WASF2: variants seen among roughly 807,000 people sequenced by gnomAD.
WASF2 encodes the protein actin-binding protein WASF2.
In WASF2, 14 loss-of-function variants were observed where a neutral mutation model predicts 45.0. That is an observed-to-expected ratio of 0.31 (90% CI 0.21 to 0.49). The LOEUF is 0.49. Among genes scored for constraint, WASF2 ranks in the 20% least tolerant of loss-of-function variants. The pLI, the probability that WASF2 is intolerant of heterozygous loss-of-function variation, is 0.99. For missense variants in WASF2, 439 were observed against 636.1 expected (o/e 0.69, Z 3.33); for synonymous variants, 200 against 236.3 (o/e 0.85, Z 1.41).
intron 1 of WASF2, among the ~76,000 whole-genome samples, chr1:27,436,136 A>T (rs1422025273): frequency 6.6e-6 from 1 of 152,194 alleles, no homozygotes; most frequent in East Asian, 1.9e-4. Context: ...CTCTTTCAAG[A>T]GATACATTTC....
chr1:27,469,599 G>A (rs180679230), intron 1 of WASF2, among the ~76,000 whole-genome samples: 3 of 152,232 alleles, frequency 2.0e-5, no homozygotes, highest in Admixed American at 2.0e-4. Flanking sequence ...CAGGACTTTA[G>A]TCATATAGGA....
intron 1 of WASF2, among the ~76,000 whole-genome samples, chr1:27,454,153 GTATATATATATATATATA>G (rs869245464): frequency 7.1e-5 from 7 of 98,698 alleles, no homozygotes; most frequent in East Asian, 7.8e-4. Flanking sequence ...GTGTGTGTGT[GTATATATATATATATATA>G]TATATATATA....
At chr1:27,487,038 C>A (rs1046931144) in intron 1 of WASF2, among the ~76,000 whole-genome samples, 2 of 141,104 alleles carry the variant, frequency 1.4e-5, no homozygotes, top group Admixed American at 7.0e-5. Flanking sequence ...TATATATAAT[C>A]TGTTACATAT....
chr1:27,405,598 CCTTTTTTTTTT>C lies in WASF2; in HGVS notation c.*2580_*2590del, dbSNP rs1266249344. 6 of 92,778 alleles carry C rather than the reference CCTTTTTTTTTT, an allele frequency of 6.5e-5. No individual in the cohort carries two copies. Among genetic ancestry groups the C allele is most frequent in the Admixed American group, 2.8e-4 (2 of 7,258 alleles). The allele number at this position is 92,778 out of a possible 1,614,324, so 5.7% of individuals were successfully genotyped here. On this transcript the variant is annotated 3_prime_UTR_variant, in exon 9 of 9. Transcript: ENST00000618852. ...TTAAAGGGCTCTGGGTCTAAAGAAG[CCTTTTTTTTTT>C]TTTTTTTTTTTTTTTTTTTTTTGGT...
intron 5 of WASF2, 52 bp downstream of exon 5, chr1:27,415,933 C>T (rs1571121382): frequency 6.9e-7 from 1 of 1,451,552 alleles, no homozygotes; most frequent in South Asian, 1.2e-5. Flanking sequence ...TTTTTATCCC[C>T]CTCCACAATC....
chr1:27,459,685 T>C (rs2017519162), intron 1 of WASF2: 1 of 152,218 alleles, frequency 6.6e-6, no homozygotes, highest in Non-Finnish European at 1.5e-5. Context: ...TATGTTCACA[T>C]GTGTTTTATC....
Position 27,470,662 on chromosome 1 carries a change from TG to T in WASF2, c.-44+19323del, listed in dbSNP as rs373647481. Among the ~76,000 whole-genome samples the T allele has an allele frequency of 8.3e-3, 869 of 104,468 alleles. 8 individuals are homozygous for T. The highest frequency in any genetic ancestry group is 0.03 in the African/African-American group (826 of 27,770). The allele number at this position is 104,468 out of a possible 152,430, so 68.5% of individuals were successfully genotyped here. ...ATGAAGAGCAGTAAGTCAGGGGATTTGGGGGGCTGGGGAGTGGGGTGGGCAG... is the reference window on the plus strand; with the variant it reads ...ATGAAGAGCAGTAAGTCAGGGGATTTGGGGGCTGGGGAGTGGGGTGGGCAG... On this transcript the variant is annotated intron_variant, in intron 1 of 8. Transcript: ENST00000618852.
chr1:27,466,891 T>C (rs1056033846), intron 1 of WASF2, among the ~76,000 whole-genome samples: 2 of 152,002 alleles, frequency 1.3e-5, no homozygotes, highest in African/African-American at 4.8e-5. Context: ...TTTTATTGAT[T>C]ATATGTCATT....
At chr1:27,452,440 G>GA (rs1263498612) in intron 1 of WASF2, among the ~76,000 whole-genome samples, 1 of 152,180 alleles carries the variant, frequency 6.6e-6, no homozygotes, top group Non-Finnish European at 1.5e-5. Flanking sequence ...TTGAACCAGG[G>GA]AGGCAGAGGT....
At chr1:27,467,565 T>C (rs1422903497) in intron 1 of WASF2, among the ~76,000 whole-genome samples, 2 of 150,646 alleles carry the variant, frequency 1.3e-5, no homozygotes, top group Non-Finnish European at 3.0e-5. Flanking sequence ...CCTCCCAAAG[T>C]GCTGGGATTA....
intron 1 of WASF2, among the ~76,000 whole-genome samples, chr1:27,436,549 GAC>G (rs1345353137): frequency 6.6e-6 from 1 of 152,202 alleles, no homozygotes; most frequent in Admixed American, 6.5e-5. Context: ...ACTTCAAAAT[GAC>G]AGACAATACA....
chr1:27,425,788 G>A (rs1338783949), intron 2 of WASF2, among the ~76,000 whole-genome samples: 3 of 150,372 alleles, frequency 2.0e-5, no homozygotes, highest in Non-Finnish European at 3.0e-5. Context: ...GCAGTGAGCC[G>A]AGGTGGCGCC....
intron 5 of WASF2, 137 bp downstream of exon 5, chr1:27,415,848 A>AT (rs964841748): frequency 8.4e-6 from 6 of 716,970 alleles, no homozygotes; most frequent in African/African-American, 7.1e-5. Flanking sequence ...GTGTGGACAC[A>AT]TTTTTTTAAG....
intron 2 of WASF2, among the ~76,000 whole-genome samples, chr1:27,426,699 C>T (rs183281583): frequency 2.6e-5 from 4 of 151,900 alleles, no homozygotes; most frequent in East Asian, 3.9e-4. Flanking sequence ...TTTGTAGAGA[C>T]GGGTTTCACC....
At chr1:27,426,098 G>A (rs982123071) in intron 2 of WASF2, among the ~76,000 whole-genome samples, 1 of 152,190 alleles carries the variant, frequency 6.6e-6, no homozygotes. Flanking sequence ...GGCAGGTCTT[G>A]CAGGGTCCTG....
At chr1:27,431,005 T>C (rs761204095) in intron 1 of WASF2, among the ~76,000 whole-genome samples, 1 of 152,200 alleles carries the variant, frequency 6.6e-6, no homozygotes, top group Non-Finnish European at 1.5e-5. Context: ...AGACTGCTCC[T>C]TGTTATGGAC....
chr1:27,456,206 C>T (rs2017464387), intron 1 of WASF2, among the ~76,000 whole-genome samples: 1 of 151,682 alleles, frequency 6.6e-6, no homozygotes, highest in Non-Finnish European at 1.5e-5. Context: ...CCTGTAGTCC[C>T]AGCTACTCGG....
chr1:27,425,308 G>A (rs894676825), intron 2 of WASF2, among the ~76,000 whole-genome samples: 4 of 152,112 alleles, frequency 2.6e-5, no homozygotes, highest in Non-Finnish European at 5.9e-5. Context: ...GACTGGTCTC[G>A]AACTCCTGAG....
At chr1:27,426,793 A>G (rs1166191238) in intron 2 of WASF2, among the ~76,000 whole-genome samples, 1 of 152,168 alleles carries the variant, frequency 6.6e-6, no homozygotes, top group Non-Finnish European at 1.5e-5. Context: ...TACAGGCATG[A>G]GCCACTGTGC....
Sources: allele counts gnomAD v4.1 joint callset (sites outside exome capture counted in the v4.1 genomes callset), GRCh38; gene constraint gnomAD v4.1.1; transcripts MANE v1.5; gene names NCBI Gene and HGNC (gene_info 2026-07-23, HGNC 2026-07-21).